Variants in UBR4 observed in about 807,000 individuals in gnomAD.
UBR4 encodes the protein E3 ubiquitin-protein ligase UBR4.
UBR4 carries 124 observed loss-of-function variants against 575.6 expected under a neutral mutation model. The ratio of observed to expected loss-of-function variants is 0.22; its 90% CI spans 0.19 to 0.25. UBR4 has a LOEUF of 0.25. Ranked by LOEUF, UBR4 falls within the 10% of genes least tolerant of loss-of-function variation. UBR4 has a pLI of 1.00. For missense variants in UBR4, 4,818 were observed against 6,478.8 expected (o/e 0.74, Z 8.80); for synonymous variants, 2,455 against 2,473.7 (o/e 0.99, Z 0.22).
chr1:19,208,466 CAAA>C (rs71030137), intron 1 of UBR4, among the ~76,000 whole-genome samples: 2 of 76,892 alleles, frequency 2.6e-5, no homozygotes, highest in Admixed American at 3.0e-4. Flanking sequence ...GAATCCATCT[CAAA>C]AAAAAAAAAA....
chr1:19,196,225 A>T (rs1046315476), intron 8 of UBR4, among the ~76,000 whole-genome samples: 1 of 152,182 alleles, frequency 6.6e-6, no homozygotes, highest in African/African-American at 2.4e-5. Context: ...TTCTTCACTT[A>T]TAAGTTATTT....
intron 54 of UBR4, among the ~76,000 whole-genome samples, chr1:19,144,500 T>C (rs772676486): frequency 3.3e-5 from 5 of 152,254 alleles, no homozygotes; most frequent in Admixed American, 6.5e-5. Context: ...CTTTCATTCA[T>C]GTGCTCATTT....
intron 55 of UBR4, among the ~76,000 whole-genome samples, chr1:19,143,252 A>AAGGC: frequency 9.8e-6 from 1 of 102,164 alleles, no homozygotes; most frequent in South Asian, 3.5e-4. Context: ...GGAAGGAAGG[A>AAGGC]AGGAAGGAAG....
intron 69 of UBR4, 60 bp downstream of exon 69, chr1:19,120,120 T>C: frequency 1.3e-6 from 2 of 1,575,552 alleles, no homozygotes; most frequent in South Asian, 2.3e-5. Context: ...AAAATAGAAC[T>C]GCATTACGCA....
chr1:19,160,801 A>G lies in UBR4; in HGVS notation c.5406+116T>C, dbSNP rs1054914827. On this transcript the variant is annotated intron_variant, in intron 38 of 105. Coordinates refer to ENST00000375254, the MANE Select transcript of UBR4 (RefSeq NM_020765.3). The stretch of plus-strand genomic sequence containing the variant: ...CATAGTATTTGCATTCACACTATGA[A>G]AATGGGTAAAGGAGAAAATGAGTTG... 35 of 1,007,554 alleles carry G rather than the reference A, an allele frequency of 3.5e-5. No homozygotes were observed. In the Admixed American group the frequency reaches 7.2e-4, roughly 21 times the overall value. 62.4% of individuals were successfully genotyped at this position (1,007,554 alleles called of 1,614,324 possible). A position where few individuals can be genotyped will look rare whatever the true frequency, so the allele number is the denominator to read the frequency against.
In UBR4 at chr1:19,165,686, C is replaced by G; in HGVS notation, c.4181G>C (p.Arg1394Pro). ...LEKQLESSQA[R>P]KAMEEFFSDS... ...AGAGAAAAACTCCTCCATAGCTTTA[C>G]GAGCCTGGCTACTTTCCAGCTGCTT... Residue 1394 changes from arginine to proline, a missense_variant, in exon 30 of 106, where the codon CGT (arginine) becomes CCT (proline). This residue lies in a region of UBR4 where 1,172 missense variants were observed against 1,259.7 expected (regional missense o/e 0.93). Coordinates refer to ENST00000375254, the MANE Select transcript of UBR4 (RefSeq NM_020765.3). 1 of 1,614,134 alleles carries G rather than the reference C, an allele frequency of 6.2e-7. No homozygotes were observed. The highest frequency in any genetic ancestry group is 8.5e-7 in the Non-Finnish European group (1 of 1,180,002).
intron 2 of UBR4, among the ~76,000 whole-genome samples, chr1:19,200,289 A>C (rs1461639015): frequency 6.6e-6 from 1 of 152,032 alleles, no homozygotes; most frequent in Non-Finnish European, 1.5e-5. Context: ...AGGCAAAAAA[A>C]AAAATCTCAT....
intron 90 of UBR4, 49 bp from the exon 91 acceptor site, chr1:19,097,329 A>C (rs781326706): frequency 6.5e-7 from 1 of 1,549,350 alleles, no homozygotes; most frequent in Admixed American, 1.8e-5. Context: ...GCCCAGACAA[A>C]TGCAAAGGAC....
intron 64 of UBR4, among the ~76,000 whole-genome samples, chr1:19,125,190 G>C (rs1320446467): frequency 2.6e-5 from 4 of 152,342 alleles, no homozygotes; most frequent in African/African-American, 7.2e-5. Flanking sequence ...AGGTAAATGA[G>C]AGATGTGAGG....
At chr1:19,144,394 G>C (rs1056339491) in intron 54 of UBR4, among the ~76,000 whole-genome samples, 1 of 152,212 alleles carries the variant, frequency 6.6e-6, no homozygotes, top group African/African-American at 2.4e-5. Context: ...AGATGATCAA[G>C]CCCCCAGCGC....
rs774445449 is a variant in UBR4, at chr1:19,105,855, G to A, written c.12394-13C>T. On this transcript the variant is annotated splice_polypyrimidine_tract_variant and intron_variant, in intron 83 of 105. Transcript: ENST00000375254. ...GAGTGAAAAGCACCTGCAGGACAGGGGAGAGAAGGGGTCGTAGACTCAGAG... is the reference window on the plus strand; with the variant it reads ...GAGTGAAAAGCACCTGCAGGACAGGAGAGAGAAGGGGTCGTAGACTCAGAG... 1.3e-6 allele frequency: 2 copies of A among 1,563,154 alleles called. No homozygotes were observed. The highest frequency in any genetic ancestry group is 1.7e-6 in the Non-Finnish European group (2 of 1,159,290).
intron 102 of UBR4, 22 bp downstream of exon 102, chr1:19,084,482 C>G: frequency 6.3e-7 from 1 of 1,582,354 alleles, no homozygotes; most frequent in Non-Finnish European, 8.6e-7. Flanking sequence ...GAGATGCCGC[C>G]CCTGGGACAC....
chr1:19,162,594 C>T lies in UBR4; in HGVS notation c.4782G>A (p.Glu1594=). The change falls in exon 35 of 106, where the codon GAG becomes GAA. Residue 1594 remains glutamate, a synonymous_variant. Transcript: ENST00000375254. ...VMHGKHVMIL[E]CTCHIMSYLA... ...AGTAAGACATGATATGGCATGTGCA[C>T]TCCAAGATCATCACATGCTGTAAGA... 6.2e-7 allele frequency: 1 copy of T among 1,613,186 alleles called. No homozygotes were observed. Among genetic ancestry groups the T allele is most frequent in the Non-Finnish European group, 8.5e-7 (1 of 1,179,614 alleles).
Position 19,100,252 on chromosome 1 carries a change from G to T in UBR4, c.13221+124C>A. The T allele has an allele frequency of 1.0e-6, 1 of 987,174 alleles. No homozygotes were observed. The highest frequency in any genetic ancestry group is 1.6e-6 in the Non-Finnish European group (1 of 643,246). The allele number at this position is 987,174 out of a possible 1,614,324, so 61.2% of individuals were successfully genotyped here. ...GGAATCATTAACCCCAACTTACAGAGTGGAGAAACTGAAGGCCACCTGCCC... is the reference window on the plus strand; with the variant it reads ...GGAATCATTAACCCCAACTTACAGATTGGAGAAACTGAAGGCCACCTGCCC... On this transcript the variant is annotated intron_variant, in intron 89 of 105. Transcript: ENST00000375254. The surrounding 1 kb of genome is among the most constrained non-coding windows in gnomAD (Gnocchi z 4.2).
intron 84 of UBR4, among the ~76,000 whole-genome samples, 158 bp from the exon 85 acceptor site, chr1:19,105,347 C>G (rs2079070497): frequency 6.6e-6 from 1 of 152,142 alleles, no homozygotes; most frequent in Admixed American, 6.5e-5. Context: ...GCTCCAATTC[C>G]CACATGGGAA....
chr1:19,109,713 C>A (rs1347441966), intron 81 of UBR4, among the ~76,000 whole-genome samples: 2 of 152,240 alleles, frequency 1.3e-5, no homozygotes, highest in Admixed American at 6.5e-5. Flanking sequence ...AATGGAAGCG[C>A]TGGAATTTGA....
At chr1:19,113,423 G>T in intron 77 of UBR4, 1 of 460,654 alleles carries the variant, frequency 2.2e-6, no homozygotes. Flanking sequence ...ACTAAGAGAT[G>T]GGTTGTTAAT....
At position 19,100,695 on chromosome 1, in the gene UBR4, T is replaced by A; in HGVS notation, c.13024-122A>T. ...AAACTCAGCAAGCCCCCCAAACATT[T>A]AAAGATACAAAGGACAGGAAACTCA... On this transcript the variant is annotated intron_variant, in intron 88 of 105. Transcript: ENST00000375254. The surrounding 1 kb of genome is among the most constrained non-coding windows in gnomAD (Gnocchi z 4.2). 2 of 914,400 alleles carry A rather than the reference T, an allele frequency of 2.2e-6. No individual in the cohort carries two copies. Among genetic ancestry groups the A allele is most frequent in the South Asian group, 1.6e-5 (1 of 62,032 alleles). The allele number at this position is 914,400 out of a possible 1,614,324, so 56.6% of individuals were successfully genotyped here.
Position 19,185,218 on chromosome 1 carries a change from C to T in UBR4, c.1819G>A (p.Ala607Thr). 1 of 1,613,144 alleles carries T rather than the reference C, an allele frequency of 6.2e-7. No homozygotes were observed. The highest frequency in any genetic ancestry group is 1.1e-5 in the South Asian group (1 of 90,964). The stretch of plus-strand genomic sequence containing the variant: ...GGAGGTGGGGGAGGAGGCGGAGGTG[C>T]TGCTTTCTCTTTACTGGGAGAAATA... ...ETISPSKEKAAPPPPPPPPPL... is the reference protein window; with the variant it reads ...ETISPSKEKATPPPPPPPPPL... The change falls in exon 15 of 106, where the codon GCA becomes ACA. Residue 607 changes from alanine to threonine, a missense_variant. Coordinates refer to ENST00000375254, the MANE Select transcript of UBR4 (RefSeq NM_020765.3).
Sources: allele counts gnomAD v4.1 joint callset (sites outside exome capture counted in the v4.1 genomes callset), GRCh38; gene constraint gnomAD v4.1.1; regional missense constraint gnomAD v4.1.1; non-coding constraint Gnocchi (gnomAD v3.1); transcripts MANE v1.5; gene names NCBI Gene and HGNC (gene_info 2026-07-23, HGNC 2026-07-21).